Variants in SLC8A2 observed in about 807,000 individuals in gnomAD.
The protein encoded by SLC8A2 is solute carrier family 8 member A2.
Under a neutral mutation model 70.2 loss-of-function variants are expected in SLC8A2, and 14 were observed. The ratio of observed to expected loss-of-function variants is 0.20; its 90% CI spans 0.13 to 0.31. The LOEUF (loss-of-function observed/expected upper bound fraction) is 0.31. Among genes scored for constraint, SLC8A2 ranks in the 10% least tolerant of loss-of-function variants. The probability of loss-of-function intolerance (pLI) is 1.00; values close to 1 mark genes in which losing one functional copy is unlikely to be tolerated. For synonymous variants in SLC8A2, 575 were observed against 594.3 expected, an observed-to-expected ratio of 0.97 and a Z score of 0.47; for missense variants, 779 against 1,320.1, an observed-to-expected ratio of 0.59 and a Z score of 6.35.
At position 47,430,068 on chromosome 19, in the gene SLC8A2, G is replaced by A. The variant is rs1317141042; in HGVS notation, c.*21C>T. On this transcript the variant is annotated 3_prime_UTR_variant, in exon 10 of 10. Transcript: ENST00000236877. The surrounding 1 kb of genome is among the most constrained non-coding windows in gnomAD (Gnocchi z 5.9). ...TCCCTAGCCCCGGGCGGGCGGTGGG[G>A]ACGAGTCTCTGCGCGAGGCCCTAGA... The A allele has an allele frequency of 3.8e-6, 6 of 1,566,968 alleles. No homozygotes were observed. The highest frequency in any genetic ancestry group is 5.2e-6 in the Non-Finnish European group (6 of 1,155,630).
At chr19:47,469,534 G>A (rs1295742349) in intron 1 of SLC8A2, among the ~76,000 whole-genome samples, 1 of 152,172 alleles carries the variant, frequency 6.6e-6, no homozygotes, top group Non-Finnish European at 1.5e-5. Context: ...TAGCCCAGGG[G>A]CTGGGTCAAG....
chr19:47,445,874 T>C (rs1967155051), intron 4 of SLC8A2, among the ~76,000 whole-genome samples: 1 of 152,150 alleles, frequency 6.6e-6, no homozygotes, highest in Non-Finnish European at 1.5e-5. Context: ...ATGGTGCCTC[T>C]CGCAGCCCCC....
rs1599843472 is a variant in SLC8A2, at chr19:47,432,666, T to C, written c.2111-221A>G. On this transcript the variant is annotated intron_variant, in intron 8 of 9. Transcript: ENST00000236877. The surrounding 1 kb of genome is among the most constrained non-coding windows in gnomAD (Gnocchi z 6.2). ...TTGGGCCCAGGTGAAAAATATTTAC[T>C]TTCCCAGAATCCTTTGGATCTAAAT... The C allele has an allele frequency of 4.2e-6, 2 of 478,898 alleles. No homozygotes were observed. Among genetic ancestry groups the C allele is most frequent in the Non-Finnish European group, 3.7e-6 (1 of 273,778 alleles). 29.7% of individuals were successfully genotyped at this position (478,898 alleles called of 1,614,324 possible).
At chr19:47,437,627 T>G (rs1967046912) in intron 7 of SLC8A2, 66 bp from the exon 8 acceptor site, 1 of 1,362,026 alleles carries the variant, frequency 7.3e-7, no homozygotes, top group Non-Finnish European at 1.1e-6. Context: ...CCATGTTGGG[T>G]CCTGGGTCGG....
Position 47,448,356 on chromosome 19 carries a change from G to A in SLC8A2, c.1341-125C>T, listed in dbSNP as rs1169587902. On this transcript the variant is annotated intron_variant, in intron 3 of 9. Coordinates refer to ENST00000236877, the MANE Select transcript of SLC8A2 (RefSeq NM_015063.3). The surrounding 1 kb of genome is among the most constrained non-coding windows in gnomAD (Gnocchi z 4.8). ...GTGCCATAGAAGAACTCCCAAGTAT[G>A]AGGGTCGACAGGCATTAAACAAGTA... 2.9e-6 allele frequency: 2 copies of A among 692,154 alleles called. No individual in the cohort carries two copies. The highest frequency in any genetic ancestry group is 4.8e-6 in the Non-Finnish European group (2 of 418,106). 42.9% of individuals were successfully genotyped at this position (692,154 alleles called of 1,614,324 possible).
rs998143746 is a variant in SLC8A2, at chr19:47,437,472, C to T, written c.2100G>A (p.Thr700=). 1 of 1,608,824 alleles carries T rather than the reference C, an allele frequency of 6.2e-7. No homozygotes were observed. ...SWREQFLEAI[T]VSAGDEEEEE... is the part of the protein sequence containing the mutation. Reference sequence around the variant, plus strand: ...TCCCTCCCCACTTACCTGCGCTCACCGTAATTGCCTCTAAAAACTGCTCCC... The same window carrying T: ...TCCCTCCCCACTTACCTGCGCTCACTGTAATTGCCTCTAAAAACTGCTCCC... Residue 700 remains threonine, a synonymous_variant, in exon 8 of 10, where the codon ACG becomes ACA. Coordinates refer to ENST00000236877, the MANE Select transcript of SLC8A2 (RefSeq NM_015063.3).
At position 47,457,512 on chromosome 19, in the gene SLC8A2, T is replaced by C. The variant is rs751449698; in HGVS notation, c.758A>G (p.Tyr253Cys). Residue 253 changes from tyrosine to cysteine, a missense_variant, in exon 3 of 10, where the codon TAC (tyrosine) becomes TGC (cysteine). Tyr to Cys is a radical substitution (Grantham distance 194). Coordinates refer to ENST00000236877, the MANE Select transcript of SLC8A2 (RefSeq NM_015063.3). ...GCGGTAGCGCTTGTACACGTACTTGTAGAAGAGCAGCCGCTTGTCGGCCAT... is the reference window on the plus strand; with the variant it reads ...GCGGTAGCGCTTGTACACGTACTTGCAGAAGAGCAGCCGCTTGTCGGCCAT... ...AWMADKRLLF[Y>C]KYVYKRYRTD... The C allele has an allele frequency of 1.2e-6, 2 of 1,605,164 alleles. No homozygotes were observed. The highest frequency in any genetic ancestry group is 1.4e-5 in the African/African-American group (1 of 73,700).
rs565023339 is a variant in SLC8A2, at chr19:47,453,085, A to G, written c.1340+3845T>C. 3.3e-5 allele frequency among the ~76,000 whole-genome samples: 5 copies of G among 152,302 alleles called. No homozygotes were observed. In the South Asian group the frequency reaches 1.0e-3, roughly 32 times the overall value. On this transcript the variant is annotated intron_variant, in intron 3 of 9. Transcript: ENST00000236877. ...GAATTCTAGAATCTTAGAACTTCAGACCCTTAGTGTGTCAACATCATAGGG... is the reference window on the plus strand; with the variant it reads ...GAATTCTAGAATCTTAGAACTTCAGGCCCTTAGTGTGTCAACATCATAGGG...
At chr19:47,456,628 T>G (rs1967306263) in intron 3 of SLC8A2, among the ~76,000 whole-genome samples, 1 of 152,170 alleles carries the variant, frequency 6.6e-6, no homozygotes. Context: ...ATCTTGCCAC[T>G]CACTCCAGCC....
chr19:47,441,539 C>T (rs1456548834), intron 4 of SLC8A2, 99 bp from the exon 5 acceptor site: 9 of 679,370 alleles, frequency 1.3e-5, no homozygotes, highest in Non-Finnish European at 1.8e-5. Context: ...TTTCCAAGCA[C>T]CTCCTCTGTC....
chr19:47,447,866 C>G lies in SLC8A2; in HGVS notation c.1706G>C (p.Gly569Ala). ...GCACGCGTCCTCGTAGTGCACGCCG[C>G]CGCCGCGCGCCGTGCCGTCCACCGT... is the stretch of plus-strand genomic sequence containing the variant. ...YRTVDGTARG[G>A]GVHYEDACGE... Residue 569 changes from glycine to alanine, a missense_variant, in exon 4 of 10, where the codon GGC becomes GCC. Around this residue, in one of 6 missense-constraint regions of SLC8A2, gnomAD observed 247 missense variants for 362.8 expected, o/e 0.68. Transcript: ENST00000236877. The surrounding 1 kb of genome is among the most constrained non-coding windows in gnomAD (Gnocchi z 5.1). 6.3e-7 allele frequency: 1 copy of G among 1,593,656 alleles called. No individual in the cohort carries two copies. The highest frequency in any genetic ancestry group is 1.1e-5 in the South Asian group (1 of 89,244).
chr19:47,430,018 G>A lies in SLC8A2; in HGVS notation c.*71C>T. ...CGAGTCTGGGGGGAAAAGGAGACCA[G>A]GGTCCAAGAGCAGGTGCAGCCGAGT... is the stretch of plus-strand genomic sequence containing the variant. On this transcript the variant is annotated 3_prime_UTR_variant, in exon 10 of 10. Transcript: ENST00000236877. This position sits in a 1 kb window ranked among gnomAD's most constrained non-coding sequence, Gnocchi z 5.9. 6.8e-7 allele frequency: 1 copy of A among 1,461,610 alleles called. No individual in the cohort carries two copies. The highest frequency in any genetic ancestry group is 1.4e-5 in the African/African-American group (1 of 70,572). 90.5% of individuals were successfully genotyped at this position (1,461,610 alleles called of 1,614,324 possible).
intron 1 of SLC8A2, among the ~76,000 whole-genome samples, chr19:47,467,875 C>T (rs938384461): frequency 2.8e-5 from 4 of 144,766 alleles, no homozygotes; most frequent in Non-Finnish European, 4.5e-5. Flanking sequence ...GGTGTGGTGG[C>T]GTGTGCCTAT....
In SLC8A2 at chr19:47,465,370, C is replaced by G. The variant is rs1967444271; in HGVS notation, c.675+359G>C. Among the ~76,000 whole-genome samples the G allele has an allele frequency of 3.3e-5, 5 of 152,190 alleles. No individual in the cohort carries two copies. Among genetic ancestry groups the G allele is most frequent in the Admixed American group, 3.3e-4 (5 of 15,280 alleles). On this transcript the variant is annotated intron_variant, in intron 2 of 9. Coordinates refer to ENST00000236877, the MANE Select transcript of SLC8A2 (RefSeq NM_015063.3). The surrounding 1 kb of genome is among the most constrained non-coding windows in gnomAD (Gnocchi z 5.5). ...TACGTAGCATGCATTACACAGATCA[C>G]AGGGGCTCCGTTAGTACATACAACA...
rs1340126072 is a variant in SLC8A2, at chr19:47,447,214, C to T, written c.1763+595G>A. Among the ~76,000 whole-genome samples the T allele has an allele frequency of 6.6e-6, 1 of 151,756 alleles. No homozygotes were observed. Among genetic ancestry groups the T allele is most frequent in the African/African-American group, 2.4e-5 (1 of 41,280 alleles). The stretch of plus-strand genomic sequence containing the variant: ...CATCCATTTTCCCATTTCCTGATGT[C>T]GTATGTCCAAACCCAGACCCCACCT... On this transcript the variant is annotated intron_variant, in intron 4 of 9. Coordinates refer to ENST00000236877, the MANE Select transcript of SLC8A2 (RefSeq NM_015063.3). The surrounding 1 kb of genome is among the most constrained non-coding windows in gnomAD (Gnocchi z 5.1).
Position 47,430,168 on chromosome 19 carries a change from G to A in SLC8A2, c.2687C>T (p.Thr896Ile). The A allele has an allele frequency of 6.3e-7, 1 of 1,598,408 alleles. No individual in the cohort carries two copies. The highest frequency in any genetic ancestry group is 8.5e-7 in the Non-Finnish European group (1 of 1,172,578). ...GGPRGPKLAT[T>I]ALFLGLWLLY... Reference sequence around the variant, plus strand: ...GAGCCAGAGGCCCAGGAAGAGCGCGGTGGTGGCGAGCTTGGGTCCGCGCGG... The same window carrying A: ...GAGCCAGAGGCCCAGGAAGAGCGCGATGGTGGCGAGCTTGGGTCCGCGCGG... Residue 896 changes from threonine (T) to isoleucine (I), a missense_variant, in exon 10 of 10, where the codon ACC becomes ATC. Coordinates refer to ENST00000236877, the MANE Select transcript of SLC8A2 (RefSeq NM_015063.3). The surrounding 1 kb of genome is among the most constrained non-coding windows in gnomAD (Gnocchi z 5.9).
chr19:47,452,397 GGA>G (rs56184564), intron 3 of SLC8A2, among the ~76,000 whole-genome samples: 703 of 65,370 alleles, frequency 0.011, 6 homozygotes, highest in African/African-American at 0.021. Flanking sequence ...ATATATATAT[GGA>G]GAGAGAGAGA....
In SLC8A2 at chr19:47,462,829, C is replaced by T. The variant is rs377082016; in HGVS notation, c.675+2900G>A. On this transcript the variant is annotated intron_variant, in intron 2 of 9. Coordinates refer to ENST00000236877, the MANE Select transcript of SLC8A2 (RefSeq NM_015063.3). Reference sequence around the variant, plus strand: ...TTTCGAACTCATGACCTCAGGTGATCCATCCACTTCGACCTCCCAAAGTGC... The same window carrying T: ...TTTCGAACTCATGACCTCAGGTGATTCATCCACTTCGACCTCCCAAAGTGC... Among the ~76,000 whole-genome samples, 9 of 152,228 alleles carry T rather than the reference C, an allele frequency of 5.9e-5. No individual in the cohort carries two copies. The South Asian group carries it at 1.5e-3, about 25-fold the overall frequency.
chr19:47,471,608 G>A (rs1967541618), intron 1 of SLC8A2, among the ~76,000 whole-genome samples, 181 bp downstream of exon 1: 1 of 152,000 alleles, frequency 6.6e-6, no homozygotes, highest in Admixed American at 6.5e-5. Context: ...TGAAGGTGTT[G>A]GGGCGGCTGG....
Sources: allele counts gnomAD v4.1 joint callset (sites outside exome capture counted in the v4.1 genomes callset), GRCh38; gene constraint gnomAD v4.1.1; regional missense constraint gnomAD v4.1.1; non-coding constraint Gnocchi (gnomAD v3.1); transcripts MANE v1.5; gene names NCBI Gene and HGNC (gene_info 2026-07-23, HGNC 2026-07-21).